Variants in TAFA2 observed in about 807,000 individuals in gnomAD.
The protein encoded by TAFA2 is TAFA chemokine like family member 2.
TAFA2 carries 7 observed loss-of-function variants against 18.8 expected under a neutral mutation model. The ratio of observed to expected loss-of-function variants is 0.37; its 90% CI spans 0.21 to 0.70. The LOEUF (loss-of-function observed/expected upper bound fraction) is 0.70, where lower values mean the gene tolerates loss of function less well. Ranked by LOEUF, TAFA2 falls within the 30% of genes least tolerant of loss-of-function variation. TAFA2 has a pLI of 0.53. For missense variants in TAFA2, 122 were observed against 158.1 expected, an observed-to-expected ratio of 0.77 and a Z score of 1.23; for synonymous variants, 60 against 54.2, an observed-to-expected ratio of 1.11 and a Z score of -0.47.
intron 1 of TAFA2, among the ~76,000 whole-genome samples, chr12:62,085,826 AT>A (rs1157676902): frequency 1.3e-5 from 2 of 152,116 alleles, no homozygotes; most frequent in Admixed American, 1.3e-4. Context: ...TTGAATTGTA[AT>A]TTCCAGTGAT....
At chr12:61,833,721 T>C (rs1872805517) in intron 2 of TAFA2, among the ~76,000 whole-genome samples, 1 of 152,016 alleles carries the variant, frequency 6.6e-6, no homozygotes, top group African/African-American at 2.4e-5. Flanking sequence ...AGTAATTGCT[T>C]TTGTTGTCTA....
At chr12:61,798,069 T>A (rs982210414) in intron 2 of TAFA2, among the ~76,000 whole-genome samples, 9 of 152,200 alleles carry the variant, frequency 5.9e-5, no homozygotes, top group African/African-American at 2.2e-4. Context: ...AACCACCATA[T>A]AGATGCTGAT....
chr12:62,049,573 ACT>A (rs1881996924), intron 1 of TAFA2, among the ~76,000 whole-genome samples: 2 of 152,212 alleles, frequency 1.3e-5, no homozygotes, highest in South Asian at 4.1e-4. Context: ...GCCAAACTGC[ACT>A]GAGTTCAGTA....
rs142269514 is a variant in TAFA2 at position 62,026,987 on chromosome 12, G to A, written c.-1-159561C>T. 1.7e-4 allele frequency among the ~76,000 whole-genome samples: 26 copies of A among 151,970 alleles called. No individual in the cohort carries two copies. In the East Asian group the frequency reaches 4.5e-3, roughly 26 times the overall value. ...GCTCGAAGACGTATTTTTTCCCAGC[G>A]AATTCTCTTCTCTTTTTGAATAATG... On this transcript the variant is annotated intron_variant, in intron 1 of 4. Coordinates refer to ENST00000416284, the MANE Select transcript of TAFA2 (RefSeq NM_178539.5).
chr12:61,934,584 A>C (rs1031105728), intron 1 of TAFA2, among the ~76,000 whole-genome samples: 1 of 152,210 alleles, frequency 6.6e-6, no homozygotes, highest in Non-Finnish European at 1.5e-5. Flanking sequence ...ACACATACCA[A>C]GATTATTGTT....
At chr12:61,994,639 T>A (rs1341412662) in intron 1 of TAFA2, among the ~76,000 whole-genome samples, 1 of 152,150 alleles carries the variant, frequency 6.6e-6, no homozygotes, top group African/African-American at 2.4e-5. Context: ...ATTGTTCTGG[T>A]CAAAGTCACC....
At chr12:62,077,575 T>C (rs1182287661) in intron 1 of TAFA2, among the ~76,000 whole-genome samples, 1 of 152,202 alleles carries the variant, frequency 6.6e-6, no homozygotes, top group African/African-American at 2.4e-5. Context: ...CCTCTAAGGC[T>C]ATGCAACAGG....
At chr12:62,169,171 C>A (rs556917044) in intron 1 of TAFA2, among the ~76,000 whole-genome samples, 1 of 152,194 alleles carries the variant, frequency 6.6e-6, no homozygotes, top group South Asian at 2.1e-4. Context: ...ATATCTTGAA[C>A]CTTCTACAAA....
intron 2 of TAFA2, among the ~76,000 whole-genome samples, chr12:61,860,076 A>T (rs1405937659): frequency 1.3e-5 from 2 of 152,244 alleles, no homozygotes; most frequent in Non-Finnish European, 2.9e-5. Context: ...GTCTTTGTCA[A>T]TAAATGTATG....
intron 1 of TAFA2, among the ~76,000 whole-genome samples, chr12:61,934,507 G>C (rs1429073133): frequency 6.6e-6 from 1 of 152,186 alleles, no homozygotes; most frequent in Non-Finnish European, 1.5e-5. Flanking sequence ...ATCAAGATAA[G>C]ATCCTTCCTG....
intron 1 of TAFA2, among the ~76,000 whole-genome samples, chr12:61,992,298 G>A (rs1880038792): frequency 6.6e-6 from 1 of 152,062 alleles, no homozygotes; most frequent in Non-Finnish European, 1.5e-5. Flanking sequence ...CCTAATTTCA[G>A]CAAATGGAAA....
rs74095410 is a variant in TAFA2 at position 61,710,219 on chromosome 12, C to G, written c.*187G>C. 10,557 of 570,784 alleles carry G rather than the reference C, an allele frequency of 0.018. 850 individuals carry two copies. The highest frequency in any genetic ancestry group is 0.17 in the African/African-American group (9,144 of 52,780). The allele number at this position is 570,784 out of a possible 1,614,324, so 35.4% of individuals were successfully genotyped here. ...AATCTGCTGAAATCTTCATGACATGCAAGTTCATGTCTGACTTTTAAAAAG... is the reference window on the plus strand; with the variant it reads ...AATCTGCTGAAATCTTCATGACATGGAAGTTCATGTCTGACTTTTAAAAAG... On this transcript the variant is annotated 3_prime_UTR_variant, in exon 5 of 5. Transcript: ENST00000416284.
chr12:61,734,337 G>A (rs1868268405), intron 4 of TAFA2, among the ~76,000 whole-genome samples: 1 of 142,114 alleles, frequency 7.0e-6, no homozygotes, highest in Non-Finnish European at 1.5e-5. Context: ...ACATGGGAAG[G>A]GGAACATCAC....
chr12:62,212,849 A>T (rs1004616463), intron 1 of TAFA2, among the ~76,000 whole-genome samples: 1 of 152,242 alleles, frequency 6.6e-6, no homozygotes, highest in Non-Finnish European at 1.5e-5. Flanking sequence ...AGAGCAAAAA[A>T]TACACCTAAC....
At chr12:61,739,751 G>T (rs970147713) in intron 4 of TAFA2, among the ~76,000 whole-genome samples, 1 of 152,028 alleles carries the variant, frequency 6.6e-6, no homozygotes, top group South Asian at 2.1e-4. Flanking sequence ...TCAAACAATA[G>T]TTGGACTGTC....
chr12:61,961,777 AG>A (rs1878895407), intron 1 of TAFA2, among the ~76,000 whole-genome samples: 1 of 151,980 alleles, frequency 6.6e-6, no homozygotes, highest in African/African-American at 2.4e-5. Context: ...GTTTGTCCGG[AG>A]GGTAACATCC....
chr12:61,924,272 C>CA (rs1242493597), intron 1 of TAFA2, among the ~76,000 whole-genome samples: 2 of 152,068 alleles, frequency 1.3e-5, no homozygotes, highest in Non-Finnish European at 2.9e-5. Context: ...AGAGCAACCC[C>CA]AAGACACGTA....
At chr12:61,894,974 A>G (rs1875778768) in intron 1 of TAFA2, among the ~76,000 whole-genome samples, 1 of 152,176 alleles carries the variant, frequency 6.6e-6, no homozygotes, top group Non-Finnish European at 1.5e-5. Flanking sequence ...TACCATTTAT[A>G]TTTTCCACCT....
intron 1 of TAFA2, among the ~76,000 whole-genome samples, chr12:62,012,909 G>C (rs1206777325): frequency 6.6e-6 from 1 of 152,160 alleles, no homozygotes; most frequent in Non-Finnish European, 1.5e-5. Flanking sequence ...TCATGCTACA[G>C]ACAAAATTGC....
Sources: allele counts gnomAD v4.1 joint callset (sites outside exome capture counted in the v4.1 genomes callset), GRCh38; gene constraint gnomAD v4.1.1; transcripts MANE v1.5; gene names NCBI Gene and HGNC (gene_info 2026-07-23, HGNC 2026-07-21).